Variants in XKR4 observed in about 807,000 individuals in gnomAD.
XKR4 encodes XK related 4, also known as XK-related protein 4.
In XKR4, 12 loss-of-function variants were observed where a neutral mutation model predicts 53.9. The observed-to-expected ratio is 0.22, with a 90% CI of 0.14 to 0.36. The LOEUF is 0.36. Among genes scored for constraint, XKR4 ranks in the 10% least tolerant of loss-of-function variants. XKR4 has a pLI of 1.00. For synonymous variants in XKR4, 354 were observed against 362.4 expected (o/e 0.98, Z 0.26); for missense variants, 799 against 859.5 (o/e 0.93, Z 0.88).
At chr8:55,441,652 A>G (rs1379053558) in intron 2 of XKR4, among the ~76,000 whole-genome samples, 4 of 152,208 alleles carry the variant, frequency 2.6e-5, no homozygotes, top group African/African-American at 9.6e-5. Flanking sequence ...TCACACAGAT[A>G]CATTTCTTTG....
At chr8:55,451,848 G>T in intron 2 of XKR4, 1 of 900,700 alleles carries the variant, frequency 1.1e-6, no homozygotes, top group Non-Finnish European at 1.8e-6. Context: ...TGCCGTCCGA[G>T]GGCTTCAAGG....
At chr8:55,380,650 G>A (rs1249500416) in intron 2 of XKR4, among the ~76,000 whole-genome samples, 3 of 152,230 alleles carry the variant, frequency 2.0e-5, no homozygotes, top group Non-Finnish European at 4.4e-5. Context: ...AAACTAAGTA[G>A]GGTTTACACC....
At chr8:55,494,424 T>C (rs963743852) in intron 2 of XKR4, among the ~76,000 whole-genome samples, 21 of 152,228 alleles carry the variant, frequency 1.4e-4, no homozygotes, top group African/African-American at 5.1e-4. Flanking sequence ...GTTTCAGCCC[T>C]GTTTGTGTTA....
chr8:55,467,687 G>C (rs928390050), intron 2 of XKR4, among the ~76,000 whole-genome samples: 4 of 152,146 alleles, frequency 2.6e-5, no homozygotes, highest in Admixed American at 2.0e-4. Context: ...GGCAAATGTT[G>C]TTGGCTTGGA....
chr8:55,397,409 CAGCACAACCACATTAAAACA>C lies in XKR4; in HGVS notation c.1006+39537_1006+39556del, dbSNP rs1198353812. Among the ~76,000 whole-genome samples, 6 of 152,256 alleles carry C rather than the reference CAGCACAACCACATTAAAACA, an allele frequency of 3.9e-5. 1 individual carries two copies. Among genetic ancestry groups the C allele is most frequent in the Admixed American group, 3.9e-4 (6 of 15,294 alleles). On this transcript the variant is annotated intron_variant, in intron 2 of 2. Transcript: ENST00000327381. ...AAGATTGCCAGCTCCTACCTGGGAG[CAGCACAACCACATTAAAACA>C]AGCATCTGTCTGCTGTGGGTTAGGT...
intron 1 of XKR4, among the ~76,000 whole-genome samples, chr8:55,155,858 C>G (rs900892465): frequency 6.6e-6 from 1 of 152,126 alleles, no homozygotes; most frequent in Non-Finnish European, 1.5e-5. Flanking sequence ...GAGATATACT[C>G]TAAAATTCTG....
At chr8:55,287,254 A>G (rs1818920494) in intron 1 of XKR4, among the ~76,000 whole-genome samples, 1 of 152,208 alleles carries the variant, frequency 6.6e-6, no homozygotes, top group Admixed American at 6.5e-5. Context: ...CAAAAGTTGG[A>G]GCACAAGCTA....
intron 2 of XKR4, among the ~76,000 whole-genome samples, chr8:55,514,308 G>A (rs1806680453): frequency 2.1e-5 from 3 of 146,172 alleles, no homozygotes; most frequent in Non-Finnish European, 4.5e-5. Context: ...CCAGGCTGGA[G>A]TGCAGTGGCA....
rs551521571 is a variant in XKR4 at position 55,523,151 on chromosome 8, A to T, written c.1007-130A>T. On this transcript the variant is annotated intron_variant, in intron 2 of 2. Transcript: ENST00000327381. ...AGCGAGACTCTGTCTCAAAAAAAAAAAAAAAAAGAAATTAAGAGTCTTTGC... is the reference window on the plus strand; with the variant it reads ...AGCGAGACTCTGTCTCAAAAAAAAATAAAAAAAGAAATTAAGAGTCTTTGC... 151 of 849,180 alleles carry T rather than the reference A, an allele frequency of 1.8e-4. No homozygotes were observed. In the African/African-American group the frequency reaches 2.3e-3, roughly 13 times the overall value. 52.6% of individuals were successfully genotyped at this position (849,180 alleles called of 1,614,324 possible).
rs189763921 is a variant in XKR4, at chr8:55,203,688, T to C, written c.806+100394T>C. On this transcript the variant is annotated intron_variant, in intron 1 of 2. Coordinates refer to ENST00000327381, the MANE Select transcript of XKR4 (RefSeq NM_052898.2). The stretch of plus-strand genomic sequence containing the variant: ...CCAGGCCATACTCAGACAAGTTAAC[T>C]CACAGGCTTTGGTAATGGGGTCCCA... Among the ~76,000 whole-genome samples the C allele has an allele frequency of 1.3e-3, 203 of 152,264 alleles. 1 individual carries two copies. The highest frequency in any genetic ancestry group is 7.9e-3 in the East Asian group (41 of 5,170).
intron 1 of XKR4, among the ~76,000 whole-genome samples, chr8:55,112,354 A>G (rs1165045295): frequency 6.6e-6 from 1 of 152,132 alleles, no homozygotes; most frequent in East Asian, 1.9e-4. Flanking sequence ...AGTAGGATCT[A>G]TAGGGAACAC....
chr8:55,473,709 T>C (rs111561799), intron 2 of XKR4, among the ~76,000 whole-genome samples: 1 of 152,262 alleles, frequency 6.6e-6, no homozygotes, highest in African/African-American at 2.4e-5. Flanking sequence ...TATAAACAAG[T>C]GTAGTGAAAC....
In XKR4 at chr8:55,528,080, A is replaced by G. The variant is rs1037975205; in HGVS notation, c.*3853A>G. ...AAGTATATACTGCTTTTGAATGTATATAAAGTGGTATGTTATGCATATAAA... is the reference window on the plus strand; with the variant it reads ...AAGTATATACTGCTTTTGAATGTATGTAAAGTGGTATGTTATGCATATAAA... On this transcript the variant is annotated 3_prime_UTR_variant, in exon 3 of 3. Coordinates refer to ENST00000327381, the MANE Select transcript of XKR4 (RefSeq NM_052898.2). 2 of 152,248 alleles carry G rather than the reference A, an allele frequency of 1.3e-5. No homozygotes were observed. The highest frequency in any genetic ancestry group is 4.8e-5 in the African/African-American group (2 of 41,468). The allele number at this position is 152,248 out of a possible 1,614,324, so 9.4% of individuals were successfully genotyped here. A position where few individuals can be genotyped will look rare whatever the true frequency, so the allele number is the denominator to read the frequency against.
At chr8:55,326,642 T>C (rs182943572) in intron 1 of XKR4, among the ~76,000 whole-genome samples, 39 of 151,760 alleles carry the variant, frequency 2.6e-4, no homozygotes, top group Non-Finnish European at 4.4e-4. Flanking sequence ...GGATAATTTT[T>C]GTACTTTTTA....
At chr8:55,492,190 A>C (rs928826101) in intron 2 of XKR4, among the ~76,000 whole-genome samples, 3 of 152,124 alleles carry the variant, frequency 2.0e-5, no homozygotes, top group African/African-American at 4.8e-5. Context: ...GTTGTTCAGT[A>C]TCTGAAATTG....
chr8:55,351,268 A>G (rs1343903860), intron 1 of XKR4, among the ~76,000 whole-genome samples: 1 of 151,976 alleles, frequency 6.6e-6, no homozygotes, highest in Non-Finnish European at 1.5e-5. Flanking sequence ...AGATGTTTGA[A>G]CTCTGTATGT....
At position 55,205,483 on chromosome 8, in the gene XKR4, G is replaced by A. The variant is rs867272545; in HGVS notation, c.806+102189G>A. On this transcript the variant is annotated intron_variant, in intron 1 of 2. Coordinates refer to ENST00000327381, the MANE Select transcript of XKR4 (RefSeq NM_052898.2). ...AATGTACTTAGGATGACAACAAACC[G>A]GAAACAGCAAATTCAGAAAAAAAAG... Among the ~76,000 whole-genome samples the A allele has an allele frequency of 6.0e-4, 92 of 152,168 alleles. 1 individual carries two copies. The highest frequency in any genetic ancestry group is 2.1e-3 in the African/African-American group (89 of 41,498).
At chr8:55,467,648 A>G (rs1456420801) in intron 2 of XKR4, among the ~76,000 whole-genome samples, 2 of 152,178 alleles carry the variant, frequency 1.3e-5, no homozygotes, top group Non-Finnish European at 2.9e-5. Flanking sequence ...ACTGGGTATT[A>G]TCATTATGCT....
chr8:55,114,581 G>A (rs1816279960), intron 1 of XKR4, among the ~76,000 whole-genome samples: 1 of 152,170 alleles, frequency 6.6e-6, no homozygotes, highest in Non-Finnish European at 1.5e-5. Flanking sequence ...GAAGAGGTGG[G>A]TGAGAATCTG....
Sources: allele counts gnomAD v4.1 joint callset (sites outside exome capture counted in the v4.1 genomes callset), GRCh38; gene constraint gnomAD v4.1.1; transcripts MANE v1.5; gene names NCBI Gene and HGNC (gene_info 2026-07-23, HGNC 2026-07-21).